CSGALNACT1: variants seen among roughly 807,000 people sequenced by gnomAD.
The protein encoded by CSGALNACT1 is chondroitin sulfate N-acetylgalactosaminyltransferase 1, also known as beta4GalNAcT-1.
CSGALNACT1 carries 52 observed loss-of-function variants against 51.0 expected under a neutral mutation model. The ratio of observed to expected loss-of-function variants is 1.02; its 90% CI spans 0.82 to 1.29. CSGALNACT1 has a LOEUF of 1.29. Among genes scored for constraint, CSGALNACT1 ranks in the 50% most tolerant of loss-of-function variants. The pLI, the probability that CSGALNACT1 is intolerant of heterozygous loss-of-function variation, is 0.00. For missense variants in CSGALNACT1, 935 were observed against 679.2 expected, an observed-to-expected ratio of 1.38 and a Z score of -4.19; for synonymous variants, 341 against 254.4, an observed-to-expected ratio of 1.34 and a Z score of -3.24.
chr8:19,526,128 C>T (rs972400444), intron 3 of CSGALNACT1, among the ~76,000 whole-genome samples: 2 of 152,194 alleles, frequency 1.3e-5, no homozygotes, highest in South Asian at 4.1e-4. Flanking sequence ...TCCTACCTCC[C>T]GCTACGCTTT....
intron 5 of CSGALNACT1, among the ~76,000 whole-genome samples, chr8:19,458,131 C>T (rs945398717): frequency 1.3e-5 from 2 of 152,168 alleles, no homozygotes; most frequent in East Asian, 1.9e-4. Context: ...AAACCTGAGC[C>T]CCTCCGCAAG....
chr8:19,540,398 G>C (rs2084822647), intron 3 of CSGALNACT1, among the ~76,000 whole-genome samples: 1 of 152,092 alleles, frequency 6.6e-6, no homozygotes, highest in South Asian at 2.1e-4. Flanking sequence ...CTTGCTCCCT[G>C]GATTCGTACC....
chr8:19,752,991 T>C lies in CSGALNACT1; in HGVS notation c.-297+4859A>G, dbSNP rs551959557. On this transcript the variant is annotated intron_variant, in intron 1 of 1. Coordinates refer to the CSGALNACT1 transcript ENST00000517494. ...CATTTCCTCTCAACTCAGCCATCCA[T>C]AACCTTGTTCAGCTTGGAGCTCTTG... Among the ~76,000 whole-genome samples the C allele has an allele frequency of 3.3e-5, 5 of 152,324 alleles. No individual in the cohort carries two copies. The South Asian group carries it at 1.0e-3, about 32-fold the overall frequency.
chr8:19,568,864 C>G (rs2042429801), intron 3 of CSGALNACT1, among the ~76,000 whole-genome samples: 1 of 152,164 alleles, frequency 6.6e-6, no homozygotes, highest in Admixed American at 6.5e-5. Context: ...GGATATTTAT[C>G]AAGACTTCCT....
intron 2 of CSGALNACT1, among the ~76,000 whole-genome samples, chr8:19,595,788 C>T (rs533609530): frequency 6.6e-6 from 1 of 152,130 alleles, no homozygotes; most frequent in East Asian, 1.9e-4. Flanking sequence ...AATTTTCACT[C>T]CCTCTCTTAT....
At chr8:19,563,919 T>C (rs2041354533) in intron 3 of CSGALNACT1, among the ~76,000 whole-genome samples, 1 of 151,568 alleles carries the variant, frequency 6.6e-6, no homozygotes, top group South Asian at 2.1e-4. Flanking sequence ...GCCTCCTCCC[T>C]CAGCCACGCA....
At chr8:19,428,241 C>A (rs1019220832) in intron 6 of CSGALNACT1, among the ~76,000 whole-genome samples, 1 of 152,228 alleles carries the variant, frequency 6.6e-6, no homozygotes, top group African/African-American at 2.4e-5. Context: ...TGTTTTCACA[C>A]TGCTAATAAA....
intron 2 of CSGALNACT1, among the ~76,000 whole-genome samples, chr8:19,598,665 A>T (rs1588898992): frequency 6.6e-6 from 1 of 151,998 alleles, no homozygotes; most frequent in East Asian, 1.9e-4. Flanking sequence ...ATGTGTCTAC[A>T]AACAGTTTTT....
intron 4 of CSGALNACT1, among the ~76,000 whole-genome samples, chr8:19,491,887 G>T (rs943850314): frequency 6.6e-6 from 1 of 152,200 alleles, no homozygotes; most frequent in African/African-American, 2.4e-5. Context: ...TGAGTCCACA[G>T]AATTAGCAAT....
intron 3 of CSGALNACT1, among the ~76,000 whole-genome samples, chr8:19,521,858 C>G (rs2080796844): frequency 6.6e-6 from 1 of 152,232 alleles, no homozygotes; most frequent in African/African-American, 2.4e-5. Flanking sequence ...CAGAGCTCTG[C>G]TGGCATTCTT....
chr8:19,594,540 C>G (rs898690602), intron 2 of CSGALNACT1, among the ~76,000 whole-genome samples: 33 of 152,128 alleles, frequency 2.2e-4, no homozygotes, highest in African/African-American at 7.7e-4. Context: ...CTAGTCCACA[C>G]CCAGGCACCG....
At chr8:19,446,662 T>C (rs367700808) in intron 5 of CSGALNACT1, among the ~76,000 whole-genome samples, 3 of 152,134 alleles carry the variant, frequency 2.0e-5, no homozygotes, top group Non-Finnish European at 4.4e-5. Context: ...CACAGGTGTG[T>C]GCCATCATGC....
chr8:19,654,419 C>G (rs1484905672), intron 1 of CSGALNACT1, among the ~76,000 whole-genome samples: 2 of 152,220 alleles, frequency 1.3e-5, no homozygotes, highest in African/African-American at 4.8e-5. Context: ...GCTTTCGAAT[C>G]AGGTGAACTT....
At chr8:19,730,961 G>T (rs941186672) in intron 1 of CSGALNACT1, among the ~76,000 whole-genome samples, 1 of 152,186 alleles carries the variant, frequency 6.6e-6, no homozygotes, top group Non-Finnish European at 1.5e-5. Flanking sequence ...AACACCCTGG[G>T]AGGAGAGGTG....
chr8:19,616,412 A>G (rs545750853), intron 1 of CSGALNACT1, among the ~76,000 whole-genome samples: 1 of 152,122 alleles, frequency 6.6e-6, no homozygotes, highest in African/African-American at 2.4e-5. Flanking sequence ...AGAAAAAAAA[A>G]TTGTAGAATC....
chr8:19,432,718 C>T (rs971675414), intron 6 of CSGALNACT1, among the ~76,000 whole-genome samples: 1 of 152,040 alleles, frequency 6.6e-6, no homozygotes, highest in Non-Finnish European at 1.5e-5. Context: ...CCTCCTCTGC[C>T]TTATTAATTT....
At chr8:19,541,645 C>CCT (rs1360841192) in intron 3 of CSGALNACT1, among the ~76,000 whole-genome samples, 3 of 145,852 alleles carry the variant, frequency 2.1e-5, no homozygotes, top group African/African-American at 7.8e-5. Flanking sequence ...GGTGATGCAC[C>CCT]CTGTGTTGGC....
intron 4 of CSGALNACT1, among the ~76,000 whole-genome samples, chr8:19,490,172 G>A (rs147550728): frequency 5.3e-5 from 8 of 152,176 alleles, no homozygotes; most frequent in Admixed American, 2.0e-4. Flanking sequence ...TTTAAATAGC[G>A]CATGGAACAT....
At chr8:19,616,634 T>A (rs1187631868) in intron 1 of CSGALNACT1, among the ~76,000 whole-genome samples, 1 of 152,188 alleles carries the variant, frequency 6.6e-6, no homozygotes, top group Non-Finnish European at 1.5e-5. Flanking sequence ...CATGGTACTG[T>A]CCTTGCAAGA....
Sources: gnomAD v4.1 joint callset for allele counts (sites outside exome capture counted in the v4.1 genomes callset) on GRCh38, gnomAD v4.1.1 for gene constraint, MANE v1.5 for transcripts, NCBI Gene and HGNC (gene_info 2026-07-23, HGNC 2026-07-21) for gene names.